POLR1A: variants seen among roughly 807,000 people sequenced by gnomAD.
POLR1A encodes the protein RNA polymerase I subunit A.
POLR1A carries 84 observed loss-of-function variants against 205.3 expected under a neutral mutation model. That is an observed-to-expected ratio of 0.41 (90% CI 0.34 to 0.49). POLR1A has a LOEUF of 0.49. Among genes scored for constraint, POLR1A ranks in the 20% least tolerant of loss-of-function variants. The pLI is 0.22. For missense variants in POLR1A, 1,645 were observed against 2,204.5 expected (o/e 0.75, Z 5.08); for synonymous variants, 799 against 863.7 (o/e 0.93, Z 1.31).
At chr2:86,044,760 A>C (rs1672680967) in intron 21 of POLR1A, among the ~76,000 whole-genome samples, 1 of 152,214 alleles carries the variant, frequency 6.6e-6, no homozygotes, top group African/African-American at 2.4e-5. Flanking sequence ...CCACATGCTG[A>C]TGTGAATCCC....
chr2:86,028,529 G>C lies in POLR1A; in HGVS notation c.4897+65C>G, dbSNP rs114751086. Reference sequence around the variant, plus strand: ...GGACCGACACGGTCCTGACCCTCCTGCCGAGCCTTCTGGTGTCCTGGCTGG... The same window carrying C: ...GGACCGACACGGTCCTGACCCTCCTCCCGAGCCTTCTGGTGTCCTGGCTGG... On this transcript the variant is annotated intron_variant, in intron 32 of 33. Transcript: ENST00000263857. The surrounding 1 kb of genome is among the most constrained non-coding windows in gnomAD (Gnocchi z 4.5). 115 of 1,163,210 alleles carry C rather than the reference G, an allele frequency of 9.9e-5. No homozygotes were observed. In the African/African-American group the frequency reaches 1.7e-3, roughly 17 times the overall value. The allele number at this position is 1,163,210 out of a possible 1,614,324, so 72.1% of individuals were successfully genotyped here.
At chr2:86,029,318 C>G (rs1213862591) in intron 31 of POLR1A, among the ~76,000 whole-genome samples, 1 of 151,882 alleles carries the variant, frequency 6.6e-6, no homozygotes, top group Non-Finnish European at 1.5e-5. Flanking sequence ...GCAGGGGGAG[C>G]TTTGCCAGCT....
In POLR1A at chr2:86,049,166, C is replaced by A. The variant is rs2104395733; in HGVS notation, c.2469G>T (p.Gly823=). 1 of 1,613,382 alleles carries A rather than the reference C, an allele frequency of 6.2e-7. No homozygotes were observed. The highest frequency in any genetic ancestry group is 8.5e-7 in the Non-Finnish European group (1 of 1,179,260). The change falls in exon 17 of 34, where the codon GGG becomes GGT. Residue 823 remains glycine, a synonymous_variant. Coordinates refer to ENST00000263857, the MANE Select transcript of POLR1A (RefSeq NM_015425.6). ...QRIIEESTHC[G]PQAVRAALNL... The stretch of plus-strand genomic sequence containing the variant: ...CCTCGAAGTCCCTCCTTACCTGGGG[C>A]CCGCAGTGGGTGGATTCTTCAATGA...
At chr2:86,078,795 T>G (rs1420683107) in intron 9 of POLR1A, among the ~76,000 whole-genome samples, 1 of 152,266 alleles carries the variant, frequency 6.6e-6, no homozygotes, top group Non-Finnish European at 1.5e-5. Flanking sequence ...TCAACTAAGA[T>G]GTGGGTCTCC....
At chr2:86,044,345 C>T in intron 21 of POLR1A, 41 bp from the exon 22 acceptor site, 1 of 1,610,890 alleles carries the variant, frequency 6.2e-7, no homozygotes. Context: ...CGGCCCATCA[C>T]CTCCCCAGGG....
chr2:86,065,655 A>C, intron 13 of POLR1A, 190 bp from the exon 14 acceptor site: 1 of 590,982 alleles, frequency 1.7e-6, no homozygotes, highest in Non-Finnish European at 3.0e-6. Context: ...ACCAGGGTTT[A>C]GCACTGGCTT....
intron 17 of POLR1A, 44 bp from the exon 18 acceptor site, chr2:86,049,086 CGA>C (rs778142739): frequency 6.2e-7 from 1 of 1,613,342 alleles, no homozygotes; most frequent in Non-Finnish European, 8.5e-7. Context: ...GGCCAAACGA[CGA>C]GAGTGTGGGT....
intron 25 of POLR1A, among the ~76,000 whole-genome samples, chr2:86,039,754 T>TTA (rs955893425): frequency 5.3e-5 from 8 of 152,248 alleles, no homozygotes; most frequent in African/African-American, 1.9e-4. Flanking sequence ...TGACGCTTAC[T>TTA]GAATGAACAA....
At chr2:86,095,646 GAA>G (rs957264346) in intron 3 of POLR1A, among the ~76,000 whole-genome samples, 1 of 151,810 alleles carries the variant, frequency 6.6e-6, no homozygotes, top group Non-Finnish European at 1.5e-5. Context: ...ACCAGCCAGA[GAA>G]ATTAGGCAAG....
At chr2:86,094,491 T>G (rs913550784) in intron 3 of POLR1A, among the ~76,000 whole-genome samples, 4 of 152,220 alleles carry the variant, frequency 2.6e-5, no homozygotes, top group African/African-American at 9.6e-5. Flanking sequence ...GTACTTTCTC[T>G]GTCCCAGCTC....
At chr2:86,027,662 G>A in intron 33 of POLR1A, 139 bp from the exon 34 acceptor site, 1 of 848,482 alleles carries the variant, frequency 1.2e-6, no homozygotes, top group South Asian at 1.5e-5. Context: ...TCACGAGGCA[G>A]CCCCCCTCTA....
intron 12 of POLR1A, 45 bp downstream of exon 12, chr2:86,074,985 G>A (rs753480399): frequency 6.5e-6 from 9 of 1,378,384 alleles, no homozygotes; most frequent in Admixed American, 2.0e-5. Context: ...ACCAGAATCC[G>A]AACAGGAGCC....
intron 24 of POLR1A, 103 bp from the exon 25 acceptor site, chr2:86,040,662 A>G: frequency 1.1e-6 from 1 of 912,948 alleles, no homozygotes; most frequent in Non-Finnish European, 1.6e-6. Flanking sequence ...TGAAACCTCT[A>G]CCTCTTTCTG....
chr2:86,078,286 T>TG lies in POLR1A; in HGVS notation c.1087-3dup. 1 of 1,561,714 alleles carries TG rather than the reference T, an allele frequency of 6.4e-7. No homozygotes were observed. The highest frequency in any genetic ancestry group is 2.3e-5 in the East Asian group (1 of 44,264). On this transcript the variant is annotated splice_region_variant and splice_polypyrimidine_tract_variant and intron_variant, in intron 9 of 33. Transcript: ENST00000263857. The stretch of plus-strand genomic sequence containing the variant: ...AATAGCAATCAAAGAGTCTTTTTCC[T>TG]GGAAGATGAAACCAAGAAAACAGGG...
chr2:86,098,235 G>A (rs1394538285), intron 3 of POLR1A, among the ~76,000 whole-genome samples: 1 of 152,118 alleles, frequency 6.6e-6, no homozygotes, highest in Non-Finnish European at 1.5e-5. Context: ...CTGGCTTTGA[G>A]TCTCCAAAAA....
At chr2:86,040,301 A>T in intron 25 of POLR1A, 91 bp downstream of exon 25, 1 of 1,025,828 alleles carries the variant, frequency 9.7e-7, no homozygotes, top group Non-Finnish European at 1.4e-6. Context: ...TCTCTCATTC[A>T]CACACACTCA....
Position 86,105,828 on chromosome 2 carries a change from C to T in POLR1A, c.-52G>A. 1 of 1,445,782 alleles carries T rather than the reference C, an allele frequency of 6.9e-7. No homozygotes were observed. The highest frequency in any genetic ancestry group is 1.1e-5 in the South Asian group (1 of 87,376). 89.6% of individuals were successfully genotyped at this position (1,445,782 alleles called of 1,614,324 possible). On this transcript the variant is annotated 5_prime_UTR_variant, in exon 1 of 34. The change creates a new upstream start codon in the 5' untranslated region. Coordinates refer to ENST00000263857, the MANE Select transcript of POLR1A (RefSeq NM_015425.6). ...ACCCCAAGAGACGTTCCACTCACCACCTGACTATTCTTAATTCAACCTCAA... is the reference window on the plus strand; with the variant it reads ...ACCCCAAGAGACGTTCCACTCACCATCTGACTATTCTTAATTCAACCTCAA...
chr2:86,088,859 C>G lies in POLR1A; in HGVS notation c.552G>C (p.Val184=), dbSNP rs773635986. ...CAATGAGCTTGCTCTTGCTCTCACA[C>G]ACGTTCTTTACCTGTTTTTTTAAAA... ...LGSQGAHVKN[V]CESKSKLIAL... is the part of the protein sequence containing the mutation. Residue 184 remains valine (V), a synonymous_variant, in exon 5 of 34, where the codon GTG becomes GTC. Transcript: ENST00000263857. The G allele has an allele frequency of 6.2e-7, 1 of 1,613,036 alleles. No individual in the cohort carries two copies. Among genetic ancestry groups the G allele is most frequent in the Non-Finnish European group, 8.5e-7 (1 of 1,179,132 alleles).
At chr2:86,030,811 T>C (rs2104379884) in intron 30 of POLR1A, among the ~76,000 whole-genome samples, 1 of 152,302 alleles carries the variant, frequency 6.6e-6, no homozygotes, top group Non-Finnish European at 1.5e-5. Context: ...TGCACATGTC[T>C]AGGCATCCAG....
Sources: gnomAD v4.1 joint callset for allele counts (sites outside exome capture counted in the v4.1 genomes callset) on GRCh38, gnomAD v4.1.1 for gene constraint, Gnocchi (gnomAD v3.1) non-coding constraint, MANE v1.5 for transcripts, NCBI Gene and HGNC (gene_info 2026-07-23, HGNC 2026-07-21) for gene names.